Variants in DCAF8 observed in about 807,000 individuals in gnomAD.
The protein encoded by DCAF8 is DDB1 and CUL4 associated factor 8.
DCAF8 carries 20 observed loss-of-function variants against 68.0 expected under a neutral mutation model. The ratio of observed to expected loss-of-function variants is 0.29; its 90% CI spans 0.21 to 0.43. The LOEUF (loss-of-function observed/expected upper bound fraction) is 0.43, where lower values mean the gene tolerates loss of function less well. Ranked by LOEUF, DCAF8 falls within the 20% of genes least tolerant of loss-of-function variation. The pLI, the probability that DCAF8 is intolerant of heterozygous loss-of-function variation, is 1.00. For synonymous variants in DCAF8, 230 were observed against 276.9 expected (o/e 0.83, Z 1.68); for missense variants, 460 against 771.0 (o/e 0.60, Z 4.78).
At chr1:160,238,395 A>G (rs16831666) in intron 5 of DCAF8, among the ~76,000 whole-genome samples, 2,414 of 152,330 alleles carry the variant, frequency 0.016, 63 homozygotes, top group African/African-American at 0.049. Context: ...AATACTATGA[A>G]TGCATGATCT....
At chr1:160,229,606 T>A (rs957895421) in intron 7 of DCAF8, among the ~76,000 whole-genome samples, 6 of 152,198 alleles carry the variant, frequency 3.9e-5, no homozygotes, top group African/African-American at 1.4e-4. Flanking sequence ...TTTCAAGTAA[T>A]CTGGAGCTCT....
intron 6 of DCAF8, among the ~76,000 whole-genome samples, chr1:160,232,262 A>G (rs1388301085): frequency 2.0e-5 from 3 of 151,928 alleles, no homozygotes; most frequent in African/African-American, 4.8e-5. Context: ...GCTCATGCCT[A>G]TAATCCCAGC....
chr1:160,242,769 C>G (rs1441746584), intron 3 of DCAF8, among the ~76,000 whole-genome samples: 2 of 152,212 alleles, frequency 1.3e-5, no homozygotes, highest in Admixed American at 6.5e-5. Context: ...AACGAACAGG[C>G]ATGACTGTAT....
chr1:160,241,290 C>T (rs1656104044), intron 3 of DCAF8, among the ~76,000 whole-genome samples: 1 of 152,146 alleles, frequency 6.6e-6, no homozygotes. Context: ...TCTTGCTCAC[C>T]TTTTGCTAGT....
In DCAF8 at chr1:160,237,152, T is replaced by C. The variant is rs753682351; in HGVS notation, c.942A>G (p.Arg314=). 100 of 1,570,474 alleles carry C rather than the reference T, an allele frequency of 6.4e-5. No individual in the cohort carries two copies. Among genetic ancestry groups the C allele is most frequent in the Non-Finnish European group, 8.1e-5 (94 of 1,155,466 alleles). ...ACACTTACGACGCTGGGCGGTCTTG[T>C]CTCAGGTCAATGGTGAAAACAACTG... ...EDAVVFTIDL[R]QDRPASKLVV... Residue 314 remains arginine, a synonymous_variant, in exon 6 of 14, where the codon AGA becomes AGG. Transcript: ENST00000368074.
rs1002444198 is a variant in DCAF8, at chr1:160,255,398, T to G, written c.-27+5887A>C. On this transcript the variant is annotated intron_variant, in intron 2 of 13. Coordinates refer to ENST00000368074, the MANE Select transcript of DCAF8 (RefSeq NM_015726.4). ...ATCCTCCTACCTTGGCCTCCCAAAG[T>G]GCTGGGATTATAGGTATGTACCACC... 3.1e-4 allele frequency among the ~76,000 whole-genome samples: 47 copies of G among 152,264 alleles called. No individual in the cohort carries two copies. The East Asian group carries it at 7.9e-3, about 26-fold the overall frequency.
At chr1:160,231,268 T>A (rs772754319) in intron 7 of DCAF8, 29 bp downstream of exon 7, 1 of 1,522,900 alleles carries the variant, frequency 6.6e-7, no homozygotes, top group East Asian at 2.3e-5. Flanking sequence ...TTACAAACTG[T>A]CAAAGACACA....
chr1:160,230,839 A>ACTCCTGAGCTCAAGTGATCCTCCTGC (rs1655653422), intron 7 of DCAF8, among the ~76,000 whole-genome samples: 1 of 151,600 alleles, frequency 6.6e-6, no homozygotes, highest in African/African-American at 2.4e-5. Flanking sequence ...GCAACCTCTG[A>ACTCCTGAGCTCAAGTGATCCTCCTGC]CTCCTGAGCT....
chr1:160,239,015 A>G (rs1039374178), intron 4 of DCAF8: 4 of 485,774 alleles, frequency 8.2e-6, no homozygotes, highest in Admixed American at 4.7e-5. Flanking sequence ...CAGATGAACT[A>G]GGACTGTATC....
At chr1:160,238,951 T>TA (rs1655990842) in intron 4 of DCAF8, 1 of 648,292 alleles carries the variant, frequency 1.5e-6, no homozygotes, top group African/African-American at 1.9e-5. Flanking sequence ...TCCTTTGATG[T>TA]AAGAGAGCAT....
At chr1:160,239,111 TAGG>T in intron 4 of DCAF8, 1 of 985,082 alleles carries the variant, frequency 1.0e-6, no homozygotes, top group Non-Finnish European at 1.2e-6. Flanking sequence ...AAAAGGAAAA[TAGG>T]GGGAATGTCA....
At position 160,240,366 on chromosome 1, in the gene DCAF8, G is replaced by A; in HGVS notation, c.54C>T (p.Ser18=). The A allele has an allele frequency of 6.2e-7, 1 of 1,605,602 alleles. No homozygotes were observed. Among genetic ancestry groups the A allele is most frequent in the Non-Finnish European group, 8.5e-7 (1 of 1,175,192 alleles). The change falls in exon 4 of 14, where the codon AGC becomes AGT. Residue 18 remains serine (S), a synonymous_variant. Transcript: ENST00000368074. ...ACATCTCCTCTGGACTGCTAGACAG[G>A]CTTCCTGCATGTTAGTGAGGAAGGA... ...TDGRTDLANG[S]LSSSPEEMSG...
At chr1:160,218,259 C>A in intron 13 of DCAF8, 65 bp downstream of exon 13, 1 of 1,280,114 alleles carries the variant, frequency 7.8e-7, no homozygotes, top group South Asian at 1.2e-5. Context: ...AGTCACTACT[C>A]TGGAACTTTT....
chr1:160,217,548 G>C lies in DCAF8; in HGVS notation c.*44C>G. ...GGACAGGAAAGGGTTGCCCAGGCAGGATCAGGTTGGCAGCCCCAGCCTGCC... is the reference window on the plus strand; with the variant it reads ...GGACAGGAAAGGGTTGCCCAGGCAGCATCAGGTTGGCAGCCCCAGCCTGCC... On this transcript the variant is annotated 3_prime_UTR_variant, in exon 14 of 14. Coordinates refer to ENST00000368074, the MANE Select transcript of DCAF8 (RefSeq NM_015726.4). 2.1e-6 allele frequency: 3 copies of C among 1,459,620 alleles called. No homozygotes were observed. The highest frequency in any genetic ancestry group is 2.9e-6 in the Non-Finnish European group (3 of 1,048,330). The allele number at this position is 1,459,620 out of a possible 1,614,324, so 90.4% of individuals were successfully genotyped here.
intron 3 of DCAF8, among the ~76,000 whole-genome samples, chr1:160,243,019 ACTTATC>A (rs1404485687): frequency 2.0e-5 from 3 of 152,186 alleles, no homozygotes; most frequent in Non-Finnish European, 4.4e-5. Flanking sequence ...TGAAAATCTC[ACTTATC>A]CTTCCTCCAA....
At chr1:160,241,681 C>T (rs1656121854) in intron 3 of DCAF8, among the ~76,000 whole-genome samples, 1 of 152,200 alleles carries the variant, frequency 6.6e-6, no homozygotes, top group Non-Finnish European at 1.5e-5. Flanking sequence ...CATGGGCCTC[C>T]TTTCCTCAGA....
At chr1:160,256,113 G>A (rs1351810638) in intron 2 of DCAF8, among the ~76,000 whole-genome samples, 7 of 143,020 alleles carry the variant, frequency 4.9e-5, no homozygotes, top group South Asian at 2.3e-4. Context: ...TCAGCCCCCC[G>A]AGTAGTTGGG....
At chr1:160,239,604 T>C (rs1384888091) in intron 4 of DCAF8, 93 bp downstream of exon 4, 13 of 1,612,568 alleles carry the variant, frequency 8.1e-6, no homozygotes, top group Non-Finnish European at 1.1e-5. Flanking sequence ...ATTCCTACAA[T>C]AACTCACTAT....
intron 10 of DCAF8, among the ~76,000 whole-genome samples, 195 bp from the exon 11 acceptor site, chr1:160,222,976 G>A (rs1161916156): frequency 6.6e-6 from 1 of 152,216 alleles, no homozygotes; most frequent in Non-Finnish European, 1.5e-5. Flanking sequence ...TTAGGGCAGA[G>A]GAATCTGCAG....
Sources: allele counts gnomAD v4.1 joint callset (sites outside exome capture counted in the v4.1 genomes callset), GRCh38; gene constraint gnomAD v4.1.1; transcripts MANE v1.5; gene names NCBI Gene and HGNC (gene_info 2026-07-23, HGNC 2026-07-21).